The following DLG2 variants were observed in gnomAD, a reference collection of about 807,000 sequenced individuals.
DLG2 encodes the protein discs large MAGUK scaffold protein 2, also known as disks large homolog 2.
DLG2 carries 45 observed loss-of-function variants against 132.5 expected under a neutral mutation model. The ratio of observed to expected loss-of-function variants is 0.34; its 90% CI spans 0.27 to 0.44. DLG2 has a LOEUF of 0.44. Among genes scored for constraint, DLG2 ranks in the 20% least tolerant of loss-of-function variants. The pLI is 1.00. For missense variants in DLG2, 1,045 were observed against 1,196.9 expected (o/e 0.87, Z 1.87); for synonymous variants, 424 against 419.6 (o/e 1.01, Z -0.13).
chr11:85,123,342 T>C (rs1421548233), intron 5 of DLG2, among the ~76,000 whole-genome samples: 3 of 151,782 alleles, frequency 2.0e-5, no homozygotes, highest in Admixed American at 6.6e-5. Flanking sequence ...AGTGGAAAGA[T>C]AGGAAAGGTA....
intron 17 of DLG2, among the ~76,000 whole-genome samples, chr11:83,788,409 G>T (rs570543360): frequency 6.6e-6 from 1 of 152,272 alleles, no homozygotes; most frequent in Non-Finnish European, 1.5e-5. Flanking sequence ...GGCCTGATCT[G>T]GCTGTGCCAC....
intron 7 of DLG2, among the ~76,000 whole-genome samples, chr11:84,298,506 C>T (rs1024050746): frequency 6.6e-6 from 1 of 152,194 alleles, no homozygotes; most frequent in Non-Finnish European, 1.5e-5. Context: ...AAAGATACCA[C>T]CCTTTCAATC....
At chr11:85,131,144 T>C (rs191046117) in intron 5 of DLG2, among the ~76,000 whole-genome samples, 11 of 152,296 alleles carry the variant, frequency 7.2e-5, no homozygotes, top group Admixed American at 4.6e-4. Context: ...TATGTACCTG[T>C]AGTCAATAAT....
intron 15 of DLG2, among the ~76,000 whole-genome samples, chr11:83,877,153 G>C (rs1427802525): frequency 6.6e-6 from 1 of 151,988 alleles, no homozygotes; most frequent in Non-Finnish European, 1.5e-5. Context: ...ATCTGTACTA[G>C]TTTCCCCACA....
intron 16 of DLG2, among the ~76,000 whole-genome samples, chr11:83,855,875 A>G (rs1416845727): frequency 6.6e-6 from 1 of 152,086 alleles, no homozygotes; most frequent in Non-Finnish European, 1.5e-5. Context: ...CAGGTTTGCT[A>G]CATAGGTAAA....
At chr11:83,839,521 C>T (rs574500151) in intron 16 of DLG2, among the ~76,000 whole-genome samples, 45 of 152,274 alleles carry the variant, frequency 3.0e-4, no homozygotes, top group Non-Finnish European at 5.6e-4. Flanking sequence ...TTAGGTAAAT[C>T]GGCTTGTCTA....
intron 7 of DLG2, among the ~76,000 whole-genome samples, chr11:84,327,219 G>C (rs2098437102): frequency 6.7e-6 from 1 of 150,330 alleles, no homozygotes; most frequent in South Asian, 2.1e-4. Flanking sequence ...TGGTAGCAGG[G>C]ATTACAGGCA....
At chr11:85,312,164 A>C (rs2080355684) in intron 3 of DLG2, among the ~76,000 whole-genome samples, 1 of 151,878 alleles carries the variant, frequency 6.6e-6, no homozygotes, top group Non-Finnish European at 1.5e-5. Context: ...TAATTATCTC[A>C]CATGTAAGAT....
In DLG2 at chr11:83,623,298, T is replaced by C. The variant is rs183954157; in HGVS notation, c.1940+9913A>G. On this transcript the variant is annotated intron_variant, in intron 19 of 27. Transcript: ENST00000376104. ...TTACCAAATAGGGTTCCATATTAAT[T>C]TGATTAACAAGGGGCAAGGAGCCTA... Among the ~76,000 whole-genome samples the C allele has an allele frequency of 1.7e-3, 262 of 152,308 alleles. 1 individual carries two copies. Among genetic ancestry groups the C allele is most frequent in the African/African-American group, 6.1e-3 (253 of 41,572 alleles).
At chr11:84,927,324 T>G (rs1271142010) in intron 6 of DLG2, among the ~76,000 whole-genome samples, 1 of 151,990 alleles carries the variant, frequency 6.6e-6, no homozygotes, top group East Asian at 1.9e-4. Context: ...GATACCTTGC[T>G]TTTTGTTTTG....
intron 5 of DLG2, among the ~76,000 whole-genome samples, chr11:85,118,700 G>A (rs564561119): frequency 6.6e-6 from 1 of 152,052 alleles, no homozygotes; most frequent in East Asian, 1.9e-4. Flanking sequence ...ATTAACCCTA[G>A]ATAGTAGAGG....
chr11:83,759,272 C>T (rs1265665640), intron 18 of DLG2, among the ~76,000 whole-genome samples: 2 of 152,068 alleles, frequency 1.3e-5, no homozygotes, highest in Non-Finnish European at 2.9e-5. Flanking sequence ...GAGTTGATTG[C>T]AAAATAAGAG....
At chr11:84,580,898 C>T (rs151003327) in intron 6 of DLG2, among the ~76,000 whole-genome samples, 1 of 152,246 alleles carries the variant, frequency 6.6e-6, no homozygotes, top group East Asian at 1.9e-4. Context: ...TTCCTTTTAC[C>T]ATCAGGTAGT....
At chr11:84,987,122 C>A (rs1180140367) in intron 6 of DLG2, among the ~76,000 whole-genome samples, 6 of 152,052 alleles carry the variant, frequency 3.9e-5, no homozygotes, top group Non-Finnish European at 8.8e-5. Flanking sequence ...CCAACAGCGA[C>A]CAAGTGGAGA....
chr11:84,275,066 T>A (rs2097771268), intron 7 of DLG2, among the ~76,000 whole-genome samples: 2 of 152,186 alleles, frequency 1.3e-5, no homozygotes, highest in African/African-American at 4.8e-5. Flanking sequence ...CCTTCCAAAA[T>A]CCCAGTCATT....
At chr11:85,407,035 G>C (rs1394713813) in intron 3 of DLG2, among the ~76,000 whole-genome samples, 1 of 151,894 alleles carries the variant, frequency 6.6e-6, no homozygotes, top group East Asian at 1.9e-4. Flanking sequence ...CCAGTGCAAA[G>C]GCCCTGAGGC....
intron 3 of DLG2, among the ~76,000 whole-genome samples, chr11:85,296,467 CTTTTTT>C (rs66526147): frequency 8.2e-6 from 1 of 121,554 alleles, no homozygotes; most frequent in Non-Finnish European, 1.7e-5. Context: ...TTTCGATTTT[CTTTTTT>C]TTTTTTTTTT....
chr11:84,484,569 AC>A (rs1188230403), intron 7 of DLG2, among the ~76,000 whole-genome samples: 4 of 152,114 alleles, frequency 2.6e-5, no homozygotes, highest in African/African-American at 9.7e-5. Context: ...CAGCTTAGAA[AC>A]TTTTTTGCAT....
At chr11:84,844,039 G>A (rs1005634311) in intron 6 of DLG2, among the ~76,000 whole-genome samples, 89 of 137,276 alleles carry the variant, frequency 6.5e-4, no homozygotes, top group African/African-American at 1.9e-3. Flanking sequence ...GTATATGTAC[G>A]TCTGTGTGTA....
Sources: allele counts gnomAD v4.1 joint callset (sites outside exome capture counted in the v4.1 genomes callset), GRCh38; gene constraint gnomAD v4.1.1; transcripts MANE v1.5; gene names NCBI Gene and HGNC (gene_info 2026-07-23, HGNC 2026-07-21).